The following CDC42BPA variants were observed in gnomAD, a reference collection of about 807,000 sequenced individuals.
The protein encoded by CDC42BPA is serine/threonine-protein kinase MRCK alpha.
In CDC42BPA, 80 loss-of-function variants were observed where a neutral mutation model predicts 223.5. The observed-to-expected ratio is 0.36, with a 90% confidence interval of 0.30 to 0.43. CDC42BPA has a LOEUF of 0.43. CDC42BPA is among the 20% of genes least tolerant of loss of function. The pLI, the probability that CDC42BPA is intolerant of heterozygous loss-of-function variation, is 1.00. For synonymous variants in CDC42BPA, 694 were observed against 718.6 expected, an observed-to-expected ratio of 0.97 and a Z score of 0.55; for missense variants, 1,743 against 2,099.9, an observed-to-expected ratio of 0.83 and a Z score of 3.32.
chr1:227,127,662 T>G (rs916200004), intron 11 of CDC42BPA, among the ~76,000 whole-genome samples: 33 of 152,322 alleles, frequency 2.2e-4, no homozygotes, highest in African/African-American at 7.5e-4. Context: ...TCACTTATCA[T>G]GTTCCCAATC....
intron 3 of CDC42BPA, among the ~76,000 whole-genome samples, chr1:227,201,281 G>A (rs185463307): frequency 1.3e-5 from 2 of 151,794 alleles, no homozygotes; most frequent in African/African-American, 2.4e-5. Flanking sequence ...GAGTAGCTGG[G>A]ACTACAGGTG....
intron 23 of CDC42BPA, among the ~76,000 whole-genome samples, chr1:227,044,858 T>A (rs1397333241): frequency 6.6e-6 from 1 of 152,230 alleles, no homozygotes; most frequent in Non-Finnish European, 1.5e-5. Context: ...ATGATTTTTC[T>A]AAAATTAATA....
At position 227,080,942 on chromosome 1, in the gene CDC42BPA, T is replaced by C. The variant is rs1000067521; in HGVS notation, c.2431A>G (p.Lys811Glu). The C allele has an allele frequency of 5.0e-6, 8 of 1,613,744 alleles. No individual in the cohort carries two copies. The East Asian group carries it at 1.6e-4, about 31-fold the overall frequency. The change falls in exon 17 of 37, where the codon AAA becomes GAA. Residue 811 changes from lysine to glutamate, a missense_variant. Coordinates refer to ENST00000366766, the MANE Select transcript of CDC42BPA (RefSeq NM_001394014.1). Reference protein sequence around the residue: ...EEEVKDLADKKESVAHWEAQI... With the variant: ...EEEVKDLADKEESVAHWEAQI... ...GCTTCCCAATGTGCAACTGATTCTT[T>C]CTTGTCTGCTAGATCTTTAACCTCT...
Position 227,207,565 on chromosome 1 carries a change from T to C in CDC42BPA, c.354+5571A>G, listed in dbSNP as rs1386218388. On this transcript the variant is annotated intron_variant, in intron 3 of 36. Coordinates refer to ENST00000366766, the MANE Select transcript of CDC42BPA (RefSeq NM_001394014.1). ...AGAATGTGATATTCCCCTTCCTGTG[T>C]CCCTGTGATCTCACTGTTCAAGTCC... Among the ~76,000 whole-genome samples the C allele has an allele frequency of 5.7e-5, 8 of 139,482 alleles. No homozygotes were observed. In the East Asian group the frequency reaches 1.8e-3, roughly 31 times the overall value. The allele number at this position is 139,482 out of a possible 152,430, so 91.5% of individuals were successfully genotyped here.
chr1:227,252,842 T>TA (rs556858532), intron 2 of CDC42BPA, among the ~76,000 whole-genome samples: 89 of 152,330 alleles, frequency 5.8e-4, no homozygotes, highest in African/African-American at 2.1e-3. Flanking sequence ...ACAAAATTCC[T>TA]ATTTGAAAAG....
intron 10 of CDC42BPA, among the ~76,000 whole-genome samples, chr1:227,138,679 G>T (rs1429194496): frequency 6.6e-6 from 1 of 152,114 alleles, no homozygotes; most frequent in Non-Finnish European, 1.5e-5. Flanking sequence ...GAGCTGACTT[G>T]AGGTGAGTGT....
chr1:226,997,883 A>G (rs1030903012), intron 35 of CDC42BPA, among the ~76,000 whole-genome samples: 5 of 152,134 alleles, frequency 3.3e-5, no homozygotes, highest in African/African-American at 1.2e-4. Flanking sequence ...TCAGTTTTAG[A>G]ATAAGTGTGA....
intron 6 of CDC42BPA, among the ~76,000 whole-genome samples, chr1:227,154,082 C>A (rs980315125): frequency 2.6e-5 from 4 of 151,796 alleles, no homozygotes; most frequent in African/African-American, 9.7e-5. Context: ...AATATAACAT[C>A]TTGATAAAGT....
chr1:227,160,260 AACAGAAGTC>A (rs1244750364), intron 6 of CDC42BPA, among the ~76,000 whole-genome samples: 1 of 152,226 alleles, frequency 6.6e-6, no homozygotes. Context: ...TCTAAAGTAC[AACAGAAGTC>A]ACCAACTAAA....
intron 15 of CDC42BPA, among the ~76,000 whole-genome samples, chr1:227,097,457 T>C (rs1684213378): frequency 6.6e-6 from 1 of 152,182 alleles, no homozygotes; most frequent in South Asian, 2.1e-4. Flanking sequence ...CAGTAGGCAG[T>C]CAGGCAGACA....
At chr1:226,998,324 C>G (rs1023862186) in intron 35 of CDC42BPA, among the ~76,000 whole-genome samples, 1 of 152,148 alleles carries the variant, frequency 6.6e-6, no homozygotes, top group Non-Finnish European at 1.5e-5. Flanking sequence ...CAAAAAATAG[C>G]CTGTATAGCC....
chr1:227,198,438 C>CAAAAAAAAAAAAAA (rs1176604134), intron 4 of CDC42BPA, among the ~76,000 whole-genome samples: 7 of 51,406 alleles, frequency 1.4e-4, no homozygotes, highest in Admixed American at 2.5e-4. Context: ...ATCCAGCAAA[C>CAAAAAAAAAAAAAA]AAAAAAAAAA....
rs1046489314 is a variant in CDC42BPA at position 227,317,967 on chromosome 1, G to A, written c.-785C>T. 7 of 395,734 alleles carry A rather than the reference G, an allele frequency of 1.8e-5. No individual in the cohort carries two copies. The highest frequency in any genetic ancestry group is 8.3e-5 in the African/African-American group (4 of 48,412). The allele number at this position is 395,734 out of a possible 1,614,324, so 24.5% of individuals were successfully genotyped here. A position where few individuals can be genotyped will look rare whatever the true frequency, so the allele number is the denominator to read the frequency against. On this transcript the variant is annotated 5_prime_UTR_variant, in exon 1 of 37. Transcript: ENST00000366766. The stretch of plus-strand genomic sequence containing the variant: ...GGGCCTGACCGGCGGCGCGGCCGGG[G>A]GTGGAAGGCGGGCTGCGGGCGGCAC...
At chr1:227,012,602 T>C (rs558512286) in intron 34 of CDC42BPA, among the ~76,000 whole-genome samples, 1 of 152,310 alleles carries the variant, frequency 6.6e-6, no homozygotes, top group Non-Finnish European at 1.5e-5. Flanking sequence ...GCAATACTGA[T>C]TTGAATAAAT....
At chr1:227,060,280 C>T (rs1324253775) in intron 21 of CDC42BPA, among the ~76,000 whole-genome samples, 1 of 152,104 alleles carries the variant, frequency 6.6e-6, no homozygotes, top group African/African-American at 2.4e-5. Flanking sequence ...ATCCACCCAC[C>T]TTGGCCTCCC....
chr1:227,253,727 T>C (rs1281763425), intron 2 of CDC42BPA, among the ~76,000 whole-genome samples: 1 of 152,006 alleles, frequency 6.6e-6, no homozygotes, highest in Non-Finnish European at 1.5e-5. Context: ...AGTCAGAGTA[T>C]ATACACTACC....
chr1:227,209,316 A>G (rs1225231136), intron 3 of CDC42BPA, among the ~76,000 whole-genome samples: 1 of 148,876 alleles, frequency 6.7e-6, no homozygotes, highest in Non-Finnish European at 1.5e-5. Context: ...GGACAATTTG[A>G]CTTCCTCTTT....
chr1:227,258,096 G>T (rs1239026291), intron 1 of CDC42BPA, among the ~76,000 whole-genome samples: 1 of 145,740 alleles, frequency 6.9e-6, no homozygotes, highest in Non-Finnish European at 1.5e-5. Context: ...GGCCACTTTA[G>T]CCCAGGAGAT....
chr1:227,159,606 T>C (rs926410556), intron 6 of CDC42BPA, among the ~76,000 whole-genome samples: 5 of 151,654 alleles, frequency 3.3e-5, no homozygotes, highest in Non-Finnish European at 7.4e-5. Flanking sequence ...ATTAAACTGA[T>C]ATATTTTTGG....
Sources: gnomAD v4.1 joint callset for allele counts (sites outside exome capture counted in the v4.1 genomes callset) on GRCh38, gnomAD v4.1.1 for gene constraint, MANE v1.5 for transcripts, NCBI Gene and HGNC (gene_info 2026-07-23, HGNC 2026-07-21) for gene names.